Variants in XXYLT1 observed in about 807,000 individuals in gnomAD.
XXYLT1 encodes UDP-xylose:alpha-xyloside alpha-1,3-xylosyltransferase.
A neutral mutation model predicts 28.9 loss-of-function variants in XXYLT1; 20 were observed. That is an observed-to-expected ratio of 0.69 (90% CI 0.49 to 1.00). The LOEUF is 1.00. Ranked by LOEUF, XXYLT1 falls within the 50% of genes least tolerant of loss-of-function variation. The probability of loss-of-function intolerance (pLI) is 0.00; values close to 1 mark genes in which losing one functional copy is unlikely to be tolerated. For synonymous variants in XXYLT1, 257 were observed against 253.8 expected, an observed-to-expected ratio of 1.01 and a Z score of -0.12; for missense variants, 542 against 560.1, an observed-to-expected ratio of 0.97 and a Z score of 0.33.
At chr3:195,157,423 G>GA (rs1720661387) in intron 2 of XXYLT1, among the ~76,000 whole-genome samples, 1 of 152,112 alleles carries the variant, frequency 6.6e-6, no homozygotes, top group African/African-American at 2.4e-5. Flanking sequence ...CGAAACGGCT[G>GA]AATGATCTCA....
intron 1 of XXYLT1, among the ~76,000 whole-genome samples, chr3:195,250,748 G>A (rs954259896): frequency 2.0e-5 from 3 of 152,118 alleles, no homozygotes; most frequent in African/African-American, 4.8e-5. Flanking sequence ...GGCAGCAAAC[G>A]AGACATTTTA....
intron 2 of XXYLT1, among the ~76,000 whole-genome samples, chr3:195,167,646 A>C (rs1437998358): frequency 6.6e-6 from 1 of 151,908 alleles, no homozygotes; most frequent in Non-Finnish European, 1.5e-5. Flanking sequence ...CAATGCCTTC[A>C]CTCCTTCTAC....
intron 3 of XXYLT1, chr3:195,153,772 CAT>C (rs899189341): frequency 1.3e-5 from 2 of 152,256 alleles, no homozygotes; most frequent in Admixed American, 1.3e-4. Context: ...ATTTATATCA[CAT>C]GAGAAGATTC....
chr3:195,239,433 CCTCGAGAG>C (rs2108821221), intron 1 of XXYLT1, among the ~76,000 whole-genome samples: 1 of 152,238 alleles, frequency 6.6e-6, no homozygotes, highest in South Asian at 2.1e-4. Flanking sequence ...AAGTCCCCCA[CCTCGAGAG>C]CTGCAAGAAG....
At chr3:195,162,314 A>G (rs1720913937) in intron 2 of XXYLT1, among the ~76,000 whole-genome samples, 1 of 152,074 alleles carries the variant, frequency 6.6e-6, no homozygotes, top group Non-Finnish European at 1.5e-5. Context: ...CCCAGACAGG[A>G]AGGCCTTGAC....
intron 1 of XXYLT1, among the ~76,000 whole-genome samples, chr3:195,230,589 T>C (rs1192923220): frequency 6.6e-6 from 1 of 152,224 alleles, no homozygotes; most frequent in Admixed American, 6.5e-5. Context: ...GATGCATTCT[T>C]CTGCATAAGG....
At chr3:195,184,399 G>A (rs1577120223) in intron 2 of XXYLT1, among the ~76,000 whole-genome samples, 2 of 152,278 alleles carry the variant, frequency 1.3e-5, no homozygotes, top group African/African-American at 4.8e-5. Context: ...AACACCTTTA[G>A]ATCATAACAA....
rs549269744 is a variant in XXYLT1, at chr3:195,111,777, G to T, written c.786-41666C>A. ...CTTCTAACATAAGCTGTCTTCACAG[G>T]GCCTTGAGGCTGGATTACCTCAGTT... On this transcript the variant is annotated intron_variant, in intron 3 of 3. Transcript: ENST00000310380. Among the ~76,000 whole-genome samples the T allele has an allele frequency of 2.0e-5, 3 of 152,190 alleles. No homozygotes were observed. In the East Asian group the frequency reaches 5.8e-4, roughly 29 times the overall value.
At chr3:195,228,179 C>G (rs763308649) in intron 1 of XXYLT1, among the ~76,000 whole-genome samples, 5 of 152,176 alleles carry the variant, frequency 3.3e-5, no homozygotes, top group Non-Finnish European at 7.4e-5. Context: ...GCTCAATCAC[C>G]ACCTCATCAA....
intron 3 of XXYLT1, among the ~76,000 whole-genome samples, chr3:195,155,800 G>C (rs952913600): frequency 6.6e-6 from 1 of 152,072 alleles, no homozygotes; most frequent in Non-Finnish European, 1.5e-5. Flanking sequence ...TTTTGCTGTT[G>C]CTGTATAGCA....
At chr3:195,247,842 C>A (rs1461853479) in intron 1 of XXYLT1, 2 of 702,252 alleles carry the variant, frequency 2.8e-6, no homozygotes, top group Non-Finnish European at 5.2e-6. Flanking sequence ...CACCATAGTG[C>A]AGCAGGACAG....
chr3:195,156,697 G>A, intron 2 of XXYLT1, 116 bp from the exon 3 acceptor site: 1 of 1,333,754 alleles, frequency 7.5e-7, no homozygotes. Flanking sequence ...ACTGTTGTCA[G>A]TGAATGATGC....
intron 3 of XXYLT1, among the ~76,000 whole-genome samples, chr3:195,134,826 GGTGTGTGTGTGTGTGTGTGTGTGTGTGT>G (rs3073321): frequency 4.8e-5 from 7 of 145,482 alleles, no homozygotes; most frequent in African/African-American, 1.5e-4. Flanking sequence ...CGTGAAGAGG[GGTGTGTGTGTGTGTGTGTGTGTGTGTGT>G]GTGTGTGTGT....
chr3:195,189,987 A>G (rs558708851), intron 2 of XXYLT1, among the ~76,000 whole-genome samples: 1 of 152,372 alleles, frequency 6.6e-6, no homozygotes, highest in South Asian at 2.1e-4. Flanking sequence ...GTACAAAGGC[A>G]TTTCAATATG....
rs147367780 is a variant in XXYLT1 at position 195,141,130 on chromosome 3, A to G, written c.785+15319T>C. ...TTCCCAGCCTAAAGAACTGTGAGCA[A>G]TAAATTCTGTTGTTTATAAGCTACC... On this transcript the variant is annotated intron_variant, in intron 3 of 3. Transcript: ENST00000310380. Among the ~76,000 whole-genome samples the G allele has an allele frequency of 2.0e-5, 3 of 152,334 alleles. No homozygotes were observed. The East Asian group carries it at 5.8e-4, about 29-fold the overall frequency.
At chr3:195,230,846 T>C (rs191459403) in intron 1 of XXYLT1, among the ~76,000 whole-genome samples, 7 of 152,364 alleles carry the variant, frequency 4.6e-5, no homozygotes, top group African/African-American at 1.7e-4. Context: ...CTGCTCAAGA[T>C]AGCTTTGGCT....
intron 2 of XXYLT1, among the ~76,000 whole-genome samples, chr3:195,182,924 T>A (rs1722022016): frequency 6.6e-6 from 1 of 152,200 alleles, no homozygotes; most frequent in African/African-American, 2.4e-5. Flanking sequence ...AATAGAAGAA[T>A]TCCTAAATCT....
intron 3 of XXYLT1, chr3:195,095,387 G>C (rs962691258): frequency 6.5e-6 from 1 of 153,976 alleles, no homozygotes; most frequent in South Asian, 2.1e-4. Context: ...GGTGGGTGAT[G>C]TGGGTTCTCC....
chr3:195,175,515 C>T (rs981595616), intron 2 of XXYLT1: 49 of 1,373,638 alleles, frequency 3.6e-5, no homozygotes, highest in Non-Finnish European at 4.8e-5. Flanking sequence ...GTTGACTTTG[C>T]TGCACCCATG....
Sources: allele counts gnomAD v4.1 joint callset (sites outside exome capture counted in the v4.1 genomes callset), GRCh38; gene constraint gnomAD v4.1.1; transcripts MANE v1.5; gene names NCBI Gene and HGNC (gene_info 2026-07-23, HGNC 2026-07-21).